NUDC: variants seen among roughly 807,000 people sequenced by gnomAD.
NUDC encodes the protein nuclear migration protein nudC.
In NUDC, 14 loss-of-function variants were observed where a neutral mutation model predicts 45.0. That is an observed-to-expected ratio of 0.31 (90% confidence interval 0.21 to 0.49). The LOEUF (loss-of-function observed/expected upper bound fraction) is 0.49, where lower values mean the gene tolerates loss of function less well. NUDC is among the 20% of genes least tolerant of loss of function. The pLI is 0.99. For missense variants in NUDC, 323 were observed against 426.2 expected, an observed-to-expected ratio of 0.76 and a Z score of 2.13; for synonymous variants, 153 against 156.7, an observed-to-expected ratio of 0.98 and a Z score of 0.17.
rs1570724381 is a variant in NUDC, at chr1:26,924,283, G to A, written c.159+117G>A. On this transcript the variant is annotated intron_variant, in intron 2 of 8. Coordinates refer to ENST00000321265, the MANE Select transcript of NUDC (RefSeq NM_006600.4). The stretch of plus-strand genomic sequence containing the variant: ...GCAGAAGCGAAATGCCAAAGGTGAG[G>A]AATTGGGGAAGGGAAGGAAGCTGTC... 45 of 837,618 alleles carry A rather than the reference G, an allele frequency of 5.4e-5. No homozygotes were observed. In the East Asian group the frequency reaches 1.2e-3, roughly 22 times the overall value. 51.9% of individuals were successfully genotyped at this position (837,618 alleles called of 1,614,324 possible).
chr1:26,913,489 C>T (rs1394811656), intron 3 of NUDC: 1 of 1,613,894 alleles, frequency 6.2e-7, no homozygotes, highest in South Asian at 1.1e-5. Flanking sequence ...CTCCAGACAG[C>T]ATTGAAGCCA....
chr1:26,933,782 A>G (rs2082202931), intron 2 of NUDC, among the ~76,000 whole-genome samples: 1 of 152,182 alleles, frequency 6.6e-6, no homozygotes, highest in African/African-American at 2.4e-5. Context: ...CACTACCACT[A>G]ATAGTACATG....
intron 3 of NUDC, chr1:26,911,884 G>A (rs1385776109): frequency 6.2e-7 from 1 of 1,614,166 alleles, no homozygotes. Context: ...GGCCAGCGAT[G>A]TCAACATCTC....
chr1:26,912,213 C>G, intron 3 of NUDC: 1 of 1,006,414 alleles, frequency 9.9e-7, no homozygotes, highest in Non-Finnish European at 1.5e-6. Context: ...TTTGAGGTCC[C>G]ACTACTACCT....
intron 3 of NUDC, chr1:26,913,947 G>GCGACCACCGA: frequency 1.4e-6 from 2 of 1,462,610 alleles, no homozygotes; most frequent in Non-Finnish European, 1.8e-6. Flanking sequence ...TCATGGTTAG[G>GCGACCACCGA]GATCTGCTCT....
intron 2 of NUDC, among the ~76,000 whole-genome samples, chr1:26,936,625 T>A (rs2082236521): frequency 6.6e-6 from 1 of 151,846 alleles, no homozygotes; most frequent in Non-Finnish European, 1.5e-5. Flanking sequence ...CAGGCGTGAG[T>A]CACCCTACCT....
At chr1:26,921,551 A>G (rs1471637618), upstream of NUDC, among the ~76,000 whole-genome samples, 2 of 152,234 alleles carry the variant, frequency 1.3e-5, no homozygotes, top group Non-Finnish European at 2.9e-5. Flanking sequence ...AACTCATGCC[A>G]AACTCTCGGG....
chr1:26,944,215 A>G (rs2082301480), intron 6 of NUDC, among the ~76,000 whole-genome samples: 1 of 148,580 alleles, frequency 6.7e-6, no homozygotes, highest in Non-Finnish European at 1.5e-5. Context: ...TTTTAAATTT[A>G]TTTTTTATTT....
intron 3 of NUDC, chr1:26,913,734 G>A: frequency 6.2e-7 from 1 of 1,604,876 alleles, no homozygotes; most frequent in Admixed American, 1.7e-5. Context: ...GGTTCCTGAG[G>A]AAGGCCACTG....
chr1:26,912,020 C>T lies in NUDC; in HGVS notation c.93+785C>T, dbSNP rs755793150. On this transcript the variant is annotated intron_variant, in intron 3 of 6. Coordinates refer to the NUDC transcript ENST00000435827. ...TGGGCACCAGGGTTCCAGGACTTCA[C>T]ACAGCACCCAGTGAGCCTCCTGCTG... The T allele has an allele frequency of 3.7e-6, 6 of 1,614,216 alleles. No individual in the cohort carries two copies. Among genetic ancestry groups the T allele is most frequent in the Non-Finnish European group, 5.1e-6 (6 of 1,180,044 alleles).
At chr1:26,917,581 T>A (rs1167246091), upstream of NUDC, among the ~76,000 whole-genome samples, 2 of 150,362 alleles carry the variant, frequency 1.3e-5, no homozygotes, top group Non-Finnish European at 3.0e-5. Flanking sequence ...TAATAATAAA[T>A]AAAAATAAAT....
rs528952069 is a variant in NUDC at position 26,933,523 on chromosome 1, C to A, written c.160-7934C>A. ...CTGCCTCCTGGGTTCAAGCGATTCT[C>A]CTGCCTCAGCTTCCTGAGTAGCTGG... On this transcript the variant is annotated intron_variant, in intron 2 of 8. Coordinates refer to ENST00000321265, the MANE Select transcript of NUDC (RefSeq NM_006600.4). Among the ~76,000 whole-genome samples the A allele has an allele frequency of 2.6e-5, 4 of 152,112 alleles. No homozygotes were observed. In the South Asian group the frequency reaches 8.3e-4, roughly 32 times the overall value.
chr1:26,905,491 G>A (rs558723803), intron 2 of NUDC, among the ~76,000 whole-genome samples: 15 of 152,180 alleles, frequency 9.9e-5, no homozygotes, highest in African/African-American at 3.4e-4. Flanking sequence ...CAATAAATTT[G>A]AGAAGTCACA....
At chr1:26,919,542 T>C (rs2082078924), upstream of NUDC, among the ~76,000 whole-genome samples, 1 of 152,200 alleles carries the variant, frequency 6.6e-6, no homozygotes, top group African/African-American at 2.4e-5. Flanking sequence ...TCATTTATAT[T>C]GGGATAAGAC....
chr1:26,916,433 C>T (rs1270809004), intron 3 of NUDC, among the ~76,000 whole-genome samples: 1 of 151,766 alleles, frequency 6.6e-6, no homozygotes, highest in East Asian at 1.9e-4. Context: ...CCCCTTAGAC[C>T]CTGAATATTT....
chr1:26,921,539 G>T (rs1188683560), upstream of NUDC, among the ~76,000 whole-genome samples: 1 of 152,218 alleles, frequency 6.6e-6, no homozygotes, highest in African/African-American at 2.4e-5. Context: ...GGTGACCATA[G>T]CAACTCATGC....
chr1:26,927,859 T>C (rs2082146977), intron 2 of NUDC, among the ~76,000 whole-genome samples: 1 of 152,188 alleles, frequency 6.6e-6, no homozygotes, highest in African/African-American at 2.4e-5. Flanking sequence ...ACAGTGCATA[T>C]AATGTGCATT....
At chr1:26,906,848 CA>C (rs993683239) in intron 2 of NUDC, among the ~76,000 whole-genome samples, 3 of 151,222 alleles carry the variant, frequency 2.0e-5, no homozygotes, top group Non-Finnish European at 3.0e-5. Flanking sequence ...GACTCCGTCT[CA>C]AAAAAAATAA....
In NUDC at chr1:26,924,873, ATTTAT is replaced by A. The variant is rs896932249; in HGVS notation, c.159+726_159+730del. 6.6e-5 allele frequency among the ~76,000 whole-genome samples: 10 copies of A among 150,464 alleles called. 1 individual carries two copies. The highest frequency in any genetic ancestry group is 5.3e-4 in the Admixed American group (8 of 15,036). ...GCCAGGAGGTTTTATTTTTACTTTTATTTATTTTATTTTATTTTATTTTTTGAAAT... is the reference window on the plus strand; with the variant it reads ...GCCAGGAGGTTTTATTTTTACTTTTATTTATTTTATTTTATTTTTTGAAAT... On this transcript the variant is annotated intron_variant, in intron 2 of 8. Transcript: ENST00000321265.
Sources: allele counts gnomAD v4.1 joint callset (sites outside exome capture counted in the v4.1 genomes callset), GRCh38; gene constraint gnomAD v4.1.1; transcripts MANE v1.5; gene names NCBI Gene and HGNC (gene_info 2026-07-23, HGNC 2026-07-21).